Variants in ESRRG observed in about 807,000 individuals in gnomAD.
ESRRG encodes estrogen-related receptor gamma.
ESRRG carries 13 observed loss-of-function variants against 44.0 expected under a neutral mutation model. That is an observed-to-expected ratio of 0.30 (90% CI 0.19 to 0.47). The LOEUF is 0.47. Ranked by LOEUF, ESRRG falls within the 20% of genes least tolerant of loss-of-function variation. The pLI, the probability that ESRRG is intolerant of heterozygous loss-of-function variation, is 1.00. For missense variants in ESRRG, 395 were observed against 580.6 expected (o/e 0.68, Z 3.29); for synonymous variants, 215 against 214.6 (o/e 1.00, Z -0.02).
chr1:216,761,057 A>C (rs527512161), intron 2 of ESRRG, among the ~76,000 whole-genome samples: 1 of 151,926 alleles, frequency 6.6e-6, no homozygotes, highest in East Asian at 1.9e-4. Context: ...GTCCACCTCA[A>C]CCTCCCCCTG....
chr1:216,520,768 A>G (rs1442912692), intron 5 of ESRRG, among the ~76,000 whole-genome samples: 2 of 152,154 alleles, frequency 1.3e-5, no homozygotes, highest in African/African-American at 2.4e-5. Flanking sequence ...TAATAATGCA[A>G]CTTAAGAAAT....
intron 3 of ESRRG, among the ~76,000 whole-genome samples, chr1:216,633,555 C>A (rs2064690416): frequency 6.6e-6 from 1 of 152,166 alleles, no homozygotes; most frequent in East Asian, 1.9e-4. Flanking sequence ...GAAAGGAAAC[C>A]TCTTTTTGTC....
chr1:216,633,471 C>G (rs1378780136), intron 3 of ESRRG, among the ~76,000 whole-genome samples: 1 of 152,190 alleles, frequency 6.6e-6, no homozygotes, highest in East Asian at 1.9e-4. Context: ...CAAATCCGAG[C>G]AAGCATTGTA....
intron 2 of ESRRG, among the ~76,000 whole-genome samples, chr1:216,917,189 G>A (rs1297529891): frequency 1.3e-5 from 2 of 150,010 alleles, no homozygotes; most frequent in Admixed American, 6.7e-5. Context: ...AGGTGACAGG[G>A]CTTTCAAGAT....
intron 2 of ESRRG, among the ~76,000 whole-genome samples, chr1:216,896,397 C>G (rs774961872): frequency 1.3e-5 from 2 of 152,154 alleles, no homozygotes; most frequent in Non-Finnish European, 2.9e-5. Context: ...CTCAGGTAAT[C>G]CCCTTTATAG....
chr1:216,615,273 C>T (rs1023906649), intron 3 of ESRRG, among the ~76,000 whole-genome samples: 2 of 152,192 alleles, frequency 1.3e-5, no homozygotes, highest in Non-Finnish European at 1.5e-5. Context: ...TCTGAAATAA[C>T]TTTGCTTACA....
chr1:216,901,420 T>G (rs567345156), intron 2 of ESRRG, among the ~76,000 whole-genome samples: 1 of 152,210 alleles, frequency 6.6e-6, no homozygotes, highest in Non-Finnish European at 1.5e-5. Flanking sequence ...CAGGCTGGAG[T>G]GCAGTGGCGT....
intron 2 of ESRRG, among the ~76,000 whole-genome samples, chr1:216,909,931 A>G (rs1440732801): frequency 6.6e-6 from 1 of 152,168 alleles, no homozygotes; most frequent in African/African-American, 2.4e-5. Context: ...AGAAACATGA[A>G]TGTGATTCAG....
intron 2 of ESRRG, among the ~76,000 whole-genome samples, chr1:216,739,992 C>T (rs1476939630): frequency 5.9e-5 from 9 of 152,176 alleles, no homozygotes; most frequent in African/African-American, 1.9e-4. Context: ...CATCTTCAGT[C>T]CTGAGTCTGA....
chr1:216,981,366 C>T (rs2073940402), intron 1 of ESRRG, among the ~76,000 whole-genome samples: 1 of 152,140 alleles, frequency 6.6e-6, no homozygotes, highest in African/African-American at 2.4e-5. Context: ...ATCTCAGTCC[C>T]TAACTTGACT....
intron 5 of ESRRG, among the ~76,000 whole-genome samples, chr1:216,543,987 T>C (rs1023718698): frequency 6.6e-6 from 1 of 152,066 alleles, no homozygotes; most frequent in Non-Finnish European, 1.5e-5. Flanking sequence ...TGAGTGATAC[T>C]ATTCAGGAGG....
At chr1:216,611,622 C>A (rs1442479786) in intron 3 of ESRRG, among the ~76,000 whole-genome samples, 1 of 152,086 alleles carries the variant, frequency 6.6e-6, no homozygotes, top group African/African-American at 2.4e-5. Flanking sequence ...GTTTTGGTCA[C>A]AAAACTGGGT....
intron 2 of ESRRG, among the ~76,000 whole-genome samples, chr1:216,935,110 A>G (rs1483004529): frequency 6.6e-6 from 1 of 152,098 alleles, no homozygotes; most frequent in Non-Finnish European, 1.5e-5. Context: ...CAACACAGAC[A>G]CTTCTGTGTT....
chr1:216,950,247 T>A (rs2066736428), intron 1 of ESRRG, among the ~76,000 whole-genome samples: 1 of 152,240 alleles, frequency 6.6e-6, no homozygotes, highest in African/African-American at 2.4e-5. Flanking sequence ...CATAATCGTA[T>A]GTTGAATGAA....
chr1:217,129,671 G>A (rs1402280412), intron 1 of ESRRG, among the ~76,000 whole-genome samples: 1 of 152,174 alleles, frequency 6.6e-6, no homozygotes, highest in African/African-American at 2.4e-5. Context: ...AACAAATGAA[G>A]TTATATGAAG....
At chr1:217,067,381 T>A (rs911256478) in intron 1 of ESRRG, among the ~76,000 whole-genome samples, 6 of 148,260 alleles carry the variant, frequency 4.0e-5, no homozygotes, top group African/African-American at 1.5e-4. Flanking sequence ...AAGACCATTT[T>A]GCTTATAAGC....
intron 1 of ESRRG, among the ~76,000 whole-genome samples, chr1:217,026,653 C>T (rs912858488): frequency 6.6e-6 from 1 of 152,048 alleles, no homozygotes; most frequent in Non-Finnish European, 1.5e-5. Context: ...GCAAATCTGC[C>T]TAAGGGATTA....
At chr1:216,696,756 CATTA>C (rs1452079005) in intron 1 of ESRRG, among the ~76,000 whole-genome samples, 1 of 152,030 alleles carries the variant, frequency 6.6e-6, no homozygotes, top group Admixed American at 6.6e-5. Context: ...TAGTTGCTGT[CATTA>C]ATTAACTGTA....
At chr1:216,948,024 C>T (rs1208088737) in intron 1 of ESRRG, among the ~76,000 whole-genome samples, 1 of 149,712 alleles carries the variant, frequency 6.7e-6, no homozygotes, top group East Asian at 1.9e-4. Flanking sequence ...AGGAGCTTGG[C>T]CTTGAAATCA....
Sources: gnomAD v4.1 joint callset for allele counts (sites outside exome capture counted in the v4.1 genomes callset) on GRCh38, gnomAD v4.1.1 for gene constraint, MANE v1.5 for transcripts, NCBI Gene and HGNC (gene_info 2026-07-23, HGNC 2026-07-21) for gene names.